CELF4: variants seen among roughly 807,000 people sequenced by gnomAD.
The protein encoded by CELF4 is CUG-BP- and ETR-3-like factor 4.
CELF4 carries 18 observed loss-of-function variants against 59.9 expected under a neutral mutation model. The ratio of observed to expected loss-of-function variants is 0.30; its 90% CI spans 0.21 to 0.45. CELF4 has a LOEUF of 0.45. Among genes scored for constraint, CELF4 ranks in the 20% least tolerant of loss-of-function variants. CELF4 has a pLI of 1.00. For missense variants in CELF4, 456 were observed against 689.0 expected (o/e 0.66, Z 3.79); for synonymous variants, 261 against 267.1 (o/e 0.98, Z 0.22).
chr18:37,302,432 G>GC lies in CELF4; in HGVS notation c.448+19370dup, dbSNP rs1316105184. Among the ~76,000 whole-genome samples, 7 of 152,276 alleles carry GC rather than the reference G, an allele frequency of 4.6e-5. No homozygotes were observed. The East Asian group carries it at 1.4e-3, about 29-fold the overall frequency. On this transcript the variant is annotated intron_variant, in intron 3 of 12. Transcript: ENST00000420428. The stretch of plus-strand genomic sequence containing the variant: ...CCCCTCTTATTGGATGGGAATTATC[G>GC]CCCCCAACATCAGCCAGCAACATGG...
chr18:37,253,148 G>C lies in CELF4; in HGVS notation c.*44+619C>G, dbSNP rs1425613927. Reference sequence around the variant, plus strand: ...TAACAACGACCACTCATCATGACCCGTGTGGGGCAGGCAGGGCCCGGGATC... The same window carrying C: ...TAACAACGACCACTCATCATGACCCCTGTGGGGCAGGCAGGGCCCGGGATC... On this transcript the variant is annotated intron_variant, in intron 12 of 12. Transcript: ENST00000420428. The surrounding 1 kb of genome is among the most constrained non-coding windows in gnomAD (Gnocchi z 4.5). Among the ~76,000 whole-genome samples the C allele has an allele frequency of 6.6e-6, 1 of 152,154 alleles. No homozygotes were observed. Among genetic ancestry groups the C allele is most frequent in the Non-Finnish European group, 1.5e-5 (1 of 68,018 alleles).
At chr18:37,273,356 G>A (rs1601697682) in intron 6 of CELF4, 193 bp from the exon 7 acceptor site, 1 of 1,369,972 alleles carries the variant, frequency 7.3e-7, no homozygotes, top group South Asian at 2.0e-5. Context: ...ACCACCCTGA[G>A]AGATGACTGT....
At chr18:37,441,851 C>A (rs1427701014) in intron 2 of CELF4, among the ~76,000 whole-genome samples, 11 of 152,134 alleles carry the variant, frequency 7.2e-5, no homozygotes, top group African/African-American at 2.4e-4. Context: ...GCAACTCACA[C>A]CCATTCCCCC....
intron 3 of CELF4, among the ~76,000 whole-genome samples, chr18:37,290,508 G>A (rs1741591586): frequency 6.6e-6 from 1 of 152,190 alleles, no homozygotes; most frequent in African/African-American, 2.4e-5. Context: ...ACCTTGAGAA[G>A]TCTGGAAATG....
At chr18:37,277,069 C>T (rs2093415618) in intron 3 of CELF4, among the ~76,000 whole-genome samples, 1 of 152,218 alleles carries the variant, frequency 6.6e-6, no homozygotes, top group South Asian at 2.1e-4. Flanking sequence ...TGAAGCAAAG[C>T]AGAGGAGGCT....
intron 1 of CELF4, among the ~76,000 whole-genome samples, chr18:37,489,226 G>A (rs1243808397): frequency 6.6e-6 from 1 of 152,250 alleles, no homozygotes; most frequent in Non-Finnish European, 1.5e-5. Flanking sequence ...CTATCTTAAG[G>A]CTCTTTGAGA....
At chr18:37,276,186 A>G (rs1443633837) in intron 3 of CELF4, 1 of 152,208 alleles carries the variant, frequency 6.6e-6, no homozygotes, top group Non-Finnish European at 1.5e-5. Context: ...TGGGATGAGT[A>G]TCAGGTGCTT....
At chr18:37,421,555 CGT>C (rs5824061) in intron 2 of CELF4, among the ~76,000 whole-genome samples, 98,594 of 152,010 alleles carry the variant, frequency 0.65, 33,003 homozygotes, top group South Asian at 0.82. Flanking sequence ...TTGTGTCATG[CGT>C]GTGAGTCATG....
At chr18:37,547,136 C>T (rs893272062) in intron 1 of CELF4, among the ~76,000 whole-genome samples, 1 of 126,266 alleles carries the variant, frequency 7.9e-6, no homozygotes, top group Non-Finnish European at 1.8e-5. Flanking sequence ...TAACCCTTTG[C>T]TTAGTGTATG....
At chr18:37,384,359 C>T (rs555429166) in intron 2 of CELF4, among the ~76,000 whole-genome samples, 30 of 152,200 alleles carry the variant, frequency 2.0e-4, no homozygotes, top group Non-Finnish European at 2.2e-4. Flanking sequence ...GGCCGGCCTC[C>T]GCTCTAGGGA....
At chr18:37,549,057 G>T (rs2099982323) in intron 1 of CELF4, among the ~76,000 whole-genome samples, 1 of 152,214 alleles carries the variant, frequency 6.6e-6, no homozygotes, top group East Asian at 1.9e-4. Flanking sequence ...CTGGTGAAGC[G>T]GGGCCAGTCG....
intron 3 of CELF4, among the ~76,000 whole-genome samples, chr18:37,297,120 AGTGGAAAGGCCACTGGAAGGGGTG>A (rs1452756709): frequency 6.6e-6 from 1 of 152,196 alleles, no homozygotes; most frequent in Non-Finnish European, 1.5e-5. Flanking sequence ...CTGGGAGGCC[AGTGGAAAGGCCACTGGAAGGGGTG>A]GAATGGGTAT....
intron 1 of CELF4, among the ~76,000 whole-genome samples, chr18:37,496,962 T>A (rs999579614): frequency 1.3e-5 from 2 of 152,164 alleles, no homozygotes; most frequent in Non-Finnish European, 2.9e-5. Context: ...GTAGGGGCTC[T>A]GGGTTTTGCT....
chr18:37,500,152 G>A (rs941705614), intron 1 of CELF4, among the ~76,000 whole-genome samples: 13 of 152,192 alleles, frequency 8.5e-5, no homozygotes, highest in African/African-American at 1.7e-4. Flanking sequence ...GAAGGGAATC[G>A]GGAGAACAGA....
intron 2 of CELF4, among the ~76,000 whole-genome samples, chr18:37,442,713 C>T (rs1345312102): frequency 6.6e-6 from 1 of 152,204 alleles, no homozygotes; most frequent in East Asian, 1.9e-4. Flanking sequence ...TAAGAAGAGG[C>T]TCGGCCGCTG....
chr18:37,497,651 CAAAA>C (rs58015103), intron 1 of CELF4, among the ~76,000 whole-genome samples: 1 of 118,296 alleles, frequency 8.5e-6, no homozygotes. Flanking sequence ...GACTCTGTCT[CAAAA>C]AAAAAAAAAA....
At chr18:37,287,553 C>G (rs554439193) in intron 3 of CELF4, among the ~76,000 whole-genome samples, 1 of 152,332 alleles carries the variant, frequency 6.6e-6, no homozygotes, top group South Asian at 2.1e-4. Context: ...CTCTCTTCCC[C>G]TGTGCCCCTT....
At chr18:37,255,780 C>T (rs2068920319) in intron 11 of CELF4, among the ~76,000 whole-genome samples, 1 of 152,178 alleles carries the variant, frequency 6.6e-6, no homozygotes, top group South Asian at 2.1e-4. Flanking sequence ...GGGGGACATG[C>T]TGCCCCTCAT....
chr18:37,478,936 T>C (rs1009185477), intron 2 of CELF4, among the ~76,000 whole-genome samples: 32 of 152,170 alleles, frequency 2.1e-4, no homozygotes, highest in African/African-American at 7.7e-4. Flanking sequence ...GGGGCTCTTC[T>C]GAAGGTATGG....
Sources: gnomAD v4.1 joint callset for allele counts (sites outside exome capture counted in the v4.1 genomes callset) on GRCh38, gnomAD v4.1.1 for gene constraint, Gnocchi (gnomAD v3.1) non-coding constraint, MANE v1.5 for transcripts, NCBI Gene and HGNC (gene_info 2026-07-23, HGNC 2026-07-21) for gene names.